The following NREP variants were observed in gnomAD, a reference collection of about 807,000 sequenced individuals.
NREP encodes the protein neuronal regeneration-related protein.
Under a neutral mutation model 8.6 loss-of-function variants are expected in NREP, and 5 were observed. The observed-to-expected ratio is 0.58, with a 90% confidence interval of 0.30 to 1.22. The LOEUF (loss-of-function observed/expected upper bound fraction) is 1.22. Among genes scored for constraint, NREP ranks in the 50% most tolerant of loss-of-function variants. The pLI is 0.07. For synonymous variants in NREP, 27 were observed against 28.0 expected, an observed-to-expected ratio of 0.96 and a Z score of 0.11; for missense variants, 86 against 82.5, an observed-to-expected ratio of 1.04 and a Z score of -0.17.
chr5:111,894,780 T>C (rs1270266564), intron 2 of NREP, among the ~76,000 whole-genome samples: 1 of 152,190 alleles, frequency 6.6e-6, no homozygotes, highest in African/African-American at 2.4e-5. Context: ...ATCCTTAAGA[T>C]CATCACCACA....
intron 2 of NREP, among the ~76,000 whole-genome samples, chr5:111,774,488 C>G (rs1751311902): frequency 6.6e-6 from 1 of 152,088 alleles, no homozygotes; most frequent in African/African-American, 2.4e-5. Flanking sequence ...ACACTTGGGC[C>G]TTTAAAAACA....
intron 2 of NREP, among the ~76,000 whole-genome samples, chr5:111,964,209 A>G (rs1004794562): frequency 9.9e-5 from 15 of 152,240 alleles, no homozygotes; most frequent in African/African-American, 3.1e-4. Flanking sequence ...GAATCACATC[A>G]TATGTAAACT....
intron 2 of NREP, among the ~76,000 whole-genome samples, chr5:111,867,999 C>G (rs1311297683): frequency 6.6e-6 from 1 of 151,960 alleles, no homozygotes; most frequent in African/African-American, 2.4e-5. Flanking sequence ...TTTCCCCTAT[C>G]CCTAGTCCCT....
chr5:111,757,235 GGGAGGGGGGATTGGGGGA>G, upstream of NREP: 4 of 558,826 alleles, frequency 7.2e-6, no homozygotes, highest in Non-Finnish European at 6.7e-6. Flanking sequence ...AGATTGGGGG[GGGAGGGGGGATTGGGGGA>G]GGGAGGGGGA....
intron 2 of NREP, among the ~76,000 whole-genome samples, chr5:111,848,530 C>G (rs928585053): frequency 6.6e-6 from 1 of 152,098 alleles, no homozygotes; most frequent in African/African-American, 2.4e-5. Context: ...GCTGTCTAGA[C>G]AAGTATACTA....
chr5:111,872,069 T>C (rs571358311), intron 2 of NREP, among the ~76,000 whole-genome samples: 1 of 151,374 alleles, frequency 6.6e-6, no homozygotes, highest in African/African-American at 2.4e-5. Context: ...TAAATATATA[T>C]ACACACACAT....
At chr5:111,833,335 C>G (rs566025568) in intron 2 of NREP, among the ~76,000 whole-genome samples, 1 of 152,204 alleles carries the variant, frequency 6.6e-6, no homozygotes. Context: ...GTTTTTCTGA[C>G]TTTACCTAAA....
chr5:111,768,486 TAA>T lies in NREP; in HGVS notation c.136-32981_136-32980del, dbSNP rs1276515292. ...CACACAGGTAATGAGCACAGTACCTTAAAGTTAGTTTTTCAACCCTTGCTCTC... is the reference window on the plus strand; with the variant it reads ...CACACAGGTAATGAGCACAGTACCTTAGTTAGTTTTTCAACCCTTGCTCTC... On this transcript the variant is annotated intron_variant, in intron 2 of 3. Coordinates refer to the NREP transcript ENST00000395634. Among the ~76,000 whole-genome samples the T allele has an allele frequency of 2.0e-5, 3 of 152,288 alleles. No individual in the cohort carries two copies. In the East Asian group the frequency reaches 5.8e-4, roughly 29 times the overall value.
intron 2 of NREP, among the ~76,000 whole-genome samples, chr5:111,882,642 C>G (rs1297894532): frequency 6.6e-6 from 1 of 152,230 alleles, no homozygotes; most frequent in Non-Finnish European, 1.5e-5. Context: ...TCGGCAGAAA[C>G]TCTACAAGCC....
intron 2 of NREP, among the ~76,000 whole-genome samples, chr5:111,907,463 G>A (rs6888591): frequency 0.13 from 19,716 of 151,886 alleles, 1,710 homozygotes; most frequent in African/African-American, 0.24. Flanking sequence ...GAATTGCCTT[G>A]GCTTCTTTGC....
intron 2 of NREP, among the ~76,000 whole-genome samples, chr5:111,929,830 G>T (rs977461599): frequency 6.6e-6 from 1 of 152,174 alleles, no homozygotes; most frequent in African/African-American, 2.4e-5. Context: ...GTGATTAAGT[G>T]ATTGAATGGA....
chr5:111,942,253 C>T (rs780247380), intron 2 of NREP, among the ~76,000 whole-genome samples: 4 of 151,816 alleles, frequency 2.6e-5, no homozygotes, highest in Admixed American at 2.0e-4. Flanking sequence ...ATTTTTATTT[C>T]GAATGACACC....
At chr5:111,955,508 A>AC (rs1433414068) in intron 2 of NREP, among the ~76,000 whole-genome samples, 2 of 144,038 alleles carry the variant, frequency 1.4e-5, no homozygotes, top group African/African-American at 5.0e-5. Context: ...AAAAAAAAAA[A>AC]CACATTCGGT....
intron 2 of NREP, among the ~76,000 whole-genome samples, chr5:111,770,184 T>C (rs1381641792): frequency 6.6e-6 from 1 of 152,228 alleles, no homozygotes; most frequent in Non-Finnish European, 1.5e-5. Flanking sequence ...TCAATTTTTA[T>C]AACCCCAATG....
intron 2 of NREP, among the ~76,000 whole-genome samples, chr5:111,908,581 C>T (rs1040203487): frequency 6.6e-6 from 1 of 152,066 alleles, no homozygotes; most frequent in Admixed American, 6.6e-5. Context: ...CTAGCTACAT[C>T]CATGTTGCTG....
intron 2 of NREP, among the ~76,000 whole-genome samples, chr5:111,809,958 A>G (rs191499391): frequency 6.6e-6 from 1 of 151,670 alleles, no homozygotes; most frequent in Admixed American, 6.6e-5. Context: ...TCTCTAGACT[A>G]GCTAGATTCT....
chr5:111,852,551 A>T (rs571853321), intron 2 of NREP, among the ~76,000 whole-genome samples: 3 of 152,162 alleles, frequency 2.0e-5, no homozygotes, highest in Non-Finnish European at 4.4e-5. Flanking sequence ...TGAAGTACCT[A>T]TTATGAGCAA....
At chr5:111,742,990 A>G (rs556987078) in intron 2 of NREP, among the ~76,000 whole-genome samples, 92 of 152,168 alleles carry the variant, frequency 6.0e-4, no homozygotes, top group Non-Finnish European at 8.8e-4. Flanking sequence ...TAAGTTCAGC[A>G]CTTCAAATCT....
upstream of NREP, among the ~76,000 whole-genome samples, chr5:111,759,937 C>CG (rs1379814394): frequency 6.6e-6 from 1 of 152,196 alleles, no homozygotes; most frequent in African/African-American, 2.4e-5. Flanking sequence ...TGACTATAGT[C>CG]TGACTTTCTA....
Sources: gnomAD v4.1 joint callset for allele counts (sites outside exome capture counted in the v4.1 genomes callset) on GRCh38, gnomAD v4.1.1 for gene constraint, MANE v1.5 for transcripts, NCBI Gene and HGNC (gene_info 2026-07-23, HGNC 2026-07-21) for gene names.